Variants in DNAH14 observed in about 807,000 individuals in gnomAD.
The protein encoded by DNAH14 is axonemal beta dynein heavy chain 14.
In DNAH14, 478 loss-of-function variants were observed where a neutral mutation model predicts 520.9. That is an observed-to-expected ratio of 0.92 (90% CI 0.85 to 0.99). DNAH14 has a LOEUF of 0.99. Among genes scored for constraint, DNAH14 ranks in the 50% least tolerant of loss-of-function variants. DNAH14 has a pLI of 0.00. For synonymous variants in DNAH14, 1,581 were observed against 1,757.2 expected (o/e 0.90, Z 2.51); for missense variants, 4,831 against 5,234.5 (o/e 0.92, Z 2.38).
At chr1:225,097,034 C>T (rs1216527707) in intron 21 of DNAH14, 84 bp from the exon 22 acceptor site, 1 of 1,169,644 alleles carries the variant, frequency 8.5e-7, no homozygotes, top group Non-Finnish European at 1.2e-6. Flanking sequence ...TGATAATCAC[C>T]TTTGATCTGT....
chr1:225,243,695 G>T (rs1156754742), intron 43 of DNAH14, among the ~76,000 whole-genome samples: 1 of 152,038 alleles, frequency 6.6e-6, no homozygotes, highest in Non-Finnish European at 1.5e-5. Context: ...TATTTACAAA[G>T]AGGAGCTGGT....
intron 9 of DNAH14, among the ~76,000 whole-genome samples, chr1:225,005,962 G>C (rs1327468685): frequency 1.3e-5 from 2 of 152,126 alleles, no homozygotes; most frequent in Non-Finnish European, 2.9e-5. Context: ...TTTATGCTGT[G>C]TTGTGGGAAG....
At chr1:225,292,069 TGTACA>T (rs2093905328) in intron 55 of DNAH14, among the ~76,000 whole-genome samples, 1 of 152,206 alleles carries the variant, frequency 6.6e-6, no homozygotes, top group African/African-American at 2.4e-5. Context: ...TTTCCTTTGC[TGTACA>T]GAAGGAAATT....
rs1349229871 is a variant in DNAH14, at chr1:225,097,148, A to C, written c.3604A>C (p.Thr1202Pro). ...TGTGAATGAATGGGATCAAAACTTG[A>C]CTCTCTTCTCTTACACCCTTGAGGA... The part of the protein sequence containing the change: ...DLVNEWDQNL[T>P]LFSYTLEEWM... Residue 1202 changes from threonine (T) to proline (P), a missense_variant, in exon 22 of 86, where the codon ACT becomes CCT. Transcript: ENST00000682510. 3.2e-6 allele frequency: 5 copies of C among 1,549,822 alleles called. No homozygotes were observed. Among genetic ancestry groups the C allele is most frequent in the Non-Finnish European group, 4.4e-6 (5 of 1,146,038 alleles).
At chr1:225,017,580 G>A (rs765160395) in intron 10 of DNAH14, among the ~76,000 whole-genome samples, 2 of 152,158 alleles carry the variant, frequency 1.3e-5, no homozygotes, top group Admixed American at 6.5e-5. Context: ...TTTGCTGACA[G>A]CCTCCCACCA....
At chr1:225,272,572 A>G (rs1035673103) in intron 51 of DNAH14, among the ~76,000 whole-genome samples, 1 of 152,234 alleles carries the variant, frequency 6.6e-6, no homozygotes, top group Non-Finnish European at 1.5e-5. Flanking sequence ...GTAATCTGTG[A>G]AATGGGCTAT....
At chr1:225,145,162 AC>A (rs2079820494) in intron 29 of DNAH14, among the ~76,000 whole-genome samples, 163 bp from the exon 30 acceptor site, 1 of 152,184 alleles carries the variant, frequency 6.6e-6, no homozygotes, top group African/African-American at 2.4e-5. Context: ...GTACATTTAT[AC>A]TATTATATTG....
intron 19 of DNAH14, among the ~76,000 whole-genome samples, chr1:225,081,070 T>C (rs541882082): frequency 2.4e-4 from 37 of 152,374 alleles, no homozygotes; most frequent in South Asian, 4.1e-4. Flanking sequence ...AAGGACCATC[T>C]GCATAATCAT....
chr1:225,265,488 G>T (rs1477549173), intron 48 of DNAH14, 119 bp downstream of exon 48: 1 of 827,632 alleles, frequency 1.2e-6, no homozygotes, highest in Non-Finnish European at 1.8e-6. Context: ...GAACATCATA[G>T]AAGATGCAAT....
Position 225,272,994 on chromosome 1 carries a change from A to G in DNAH14, c.7879A>G (p.Asn2627Asp). 1.3e-6 allele frequency: 2 copies of G among 1,549,966 alleles called. No individual in the cohort carries two copies. Among genetic ancestry groups the G allele is most frequent in the Non-Finnish European group, 1.7e-6 (2 of 1,146,540 alleles). Residue 2627 changes from asparagine to aspartate, a missense_variant, in exon 52 of 86, where the codon AAC becomes GAC. Physicochemically the swap from Asn to Asp is conservative, Grantham distance 23. Transcript: ENST00000682510. The part of the protein sequence containing the change: ...GLLQADRTVV[N>D]SKEMAALLFV... ...GCTGCAAGCTGACAGGACTGTTGTT[A>G]ACTCCAAAGAGATGGCTGCTCTGCT...
chr1:224,956,543 A>T (rs2060525886), intron 3 of DNAH14, among the ~76,000 whole-genome samples: 1 of 152,036 alleles, frequency 6.6e-6, no homozygotes, highest in South Asian at 2.1e-4. Flanking sequence ...AGGCCGTACC[A>T]CCTAGGTTTG....
intron 76 of DNAH14, among the ~76,000 whole-genome samples, chr1:225,366,147 G>T (rs972588812): frequency 6.6e-6 from 1 of 152,032 alleles, no homozygotes; most frequent in African/African-American, 2.4e-5. Context: ...CATTAAATTG[G>T]CTAAGACTAT....
intron 35 of DNAH14, among the ~76,000 whole-genome samples, chr1:225,161,982 C>T (rs1276496655): frequency 6.6e-6 from 1 of 152,104 alleles, no homozygotes; most frequent in Admixed American, 6.5e-5. Context: ...TGATTGCATC[C>T]TTTGCTGTGC....
chr1:225,230,000 C>A (rs1361620575), intron 41 of DNAH14, among the ~76,000 whole-genome samples: 1 of 152,028 alleles, frequency 6.6e-6, no homozygotes, highest in Non-Finnish European at 1.5e-5. Flanking sequence ...ATAAGGGATG[C>A]TGAAGTGGGT....
chr1:225,078,861 T>TCC (rs2072725521), intron 17 of DNAH14, among the ~76,000 whole-genome samples: 1 of 6,080 alleles, frequency 1.6e-4, no homozygotes, highest in Non-Finnish European at 4.8e-4. Context: ...TCTCTCTCCC[T>TCC]CTCTCTCTCT....
chr1:225,299,927 A>G (rs971380581), intron 55 of DNAH14, among the ~76,000 whole-genome samples: 3 of 152,162 alleles, frequency 2.0e-5, no homozygotes, highest in African/African-American at 7.2e-5. Context: ...CTGAACTGAA[A>G]TACCATGAAC....
intron 66 of DNAH14, among the ~76,000 whole-genome samples, chr1:225,335,381 A>ACATATACACATGTGTACATGTGTGTG (rs1558428188): frequency 1.5e-5 from 1 of 66,556 alleles, no homozygotes; most frequent in African/African-American, 6.0e-5. Context: ...GTGTGTGTAT[A>ACATATACACATGTGTACATGTGTGTG]TGCACATATA....
intron 1 of DNAH14, among the ~76,000 whole-genome samples, chr1:224,932,401 C>T (rs2058754806): frequency 6.6e-6 from 1 of 152,004 alleles, no homozygotes; most frequent in African/African-American, 2.4e-5. Context: ...TCCTATTGAA[C>T]AGGCTGTTTT....
chr1:225,341,310 C>T (rs1046395291), intron 69 of DNAH14, among the ~76,000 whole-genome samples: 4 of 152,074 alleles, frequency 2.6e-5, no homozygotes, highest in Non-Finnish European at 4.4e-5. Context: ...AATCCAGTGA[C>T]TTTTATGTAT....
Sources: allele counts gnomAD v4.1 joint callset (sites outside exome capture counted in the v4.1 genomes callset), GRCh38; gene constraint gnomAD v4.1.1; transcripts MANE v1.5; gene names NCBI Gene and HGNC (gene_info 2026-07-23, HGNC 2026-07-21).